Variants in ITGBL1 observed in about 807,000 individuals in gnomAD.
The protein encoded by ITGBL1 is integrin subunit beta like 1, also known as integrin beta-like protein 1.
A neutral mutation model predicts 68.5 loss-of-function variants in ITGBL1; 51 were observed. The ratio of observed to expected loss-of-function variants is 0.74; its 90% confidence interval spans 0.59 to 0.94. ITGBL1 has a LOEUF of 0.94. Among genes scored for constraint, ITGBL1 ranks in the 40% least tolerant of loss-of-function variants. ITGBL1 has a pLI of 0.00. For missense variants in ITGBL1, 649 were observed against 647.4 expected, an observed-to-expected ratio of 1.00 and a Z score of -0.03; for synonymous variants, 209 against 227.3, an observed-to-expected ratio of 0.92 and a Z score of 0.72.
Position 101,650,471 on chromosome 13 carries a change from G to A in ITGBL1, c.1016-42114G>A, listed in dbSNP as rs116219289. On this transcript the variant is annotated intron_variant, in intron 7 of 10. Coordinates refer to ENST00000376180, the MANE Select transcript of ITGBL1 (RefSeq NM_004791.3). Reference sequence around the variant, plus strand: ...GTTGAAAAGCATAAATACATTCATGGTAATTGAAAATATTAATTACTTTTC... The same window carrying A: ...GTTGAAAAGCATAAATACATTCATGATAATTGAAAATATTAATTACTTTTC... Among the ~76,000 whole-genome samples the A allele has an allele frequency of 1.0e-3, 157 of 151,974 alleles. 1 individual carries two copies. The highest frequency in any genetic ancestry group is 3.6e-3 in the African/African-American group (150 of 41,432).
intron 2 of ITGBL1, among the ~76,000 whole-genome samples, chr13:101,508,545 A>G (rs1192048145): frequency 4.6e-5 from 7 of 152,172 alleles, no homozygotes; most frequent in Non-Finnish European, 1.0e-4. Flanking sequence ...CTGGAATTGA[A>G]TATTTTCATA....
chr13:101,564,687 T>C (rs1444292582), intron 2 of ITGBL1, among the ~76,000 whole-genome samples: 1 of 149,748 alleles, frequency 6.7e-6, no homozygotes, highest in East Asian at 1.9e-4. Flanking sequence ...TAAACATACA[T>C]ATACATGTAT....
chr13:101,694,976 C>T (rs1454379911), intron 8 of ITGBL1, among the ~76,000 whole-genome samples: 1 of 152,112 alleles, frequency 6.6e-6, no homozygotes, highest in Non-Finnish European at 1.5e-5. Context: ...TATTTGCCAG[C>T]ACTAGACATT....
rs1192147964 is a variant in ITGBL1 at position 101,641,523 on chromosome 13, TTTA to T, written c.1015+43227_1015+43229del. Among the ~76,000 whole-genome samples the T allele has an allele frequency of 3.3e-5, 4 of 122,636 alleles. No individual in the cohort carries two copies. The East Asian group carries it at 5.8e-4, about 18-fold the overall frequency. 80.5% of individuals were successfully genotyped at this position (122,636 alleles called of 152,430 possible). Reference sequence around the variant, plus strand: ...AACTTGTGTTTATGTGTCTTTCTTTTTTATTTTATTTTATTTTATTTATTTTTA... The same window carrying T: ...AACTTGTGTTTATGTGTCTTTCTTTTTTTTATTTTATTTTATTTATTTTTA... On this transcript the variant is annotated intron_variant, in intron 7 of 10. Transcript: ENST00000376180.
chr13:101,537,595 T>C (rs766246431), intron 2 of ITGBL1, among the ~76,000 whole-genome samples: 1 of 152,026 alleles, frequency 6.6e-6, no homozygotes, highest in Non-Finnish European at 1.5e-5. Context: ...ACTTCCTAGA[T>C]TCAAGGTTGA....
chr13:101,478,928 A>G (rs1260373590), intron 2 of ITGBL1, among the ~76,000 whole-genome samples: 2 of 152,134 alleles, frequency 1.3e-5, no homozygotes, highest in Non-Finnish European at 2.9e-5. Flanking sequence ...TCAAAATACC[A>G]ATGACATTCT....
intron 7 of ITGBL1, among the ~76,000 whole-genome samples, chr13:101,619,538 C>T (rs575059478): frequency 3.9e-5 from 6 of 152,216 alleles, no homozygotes; most frequent in Admixed American, 3.3e-4. Context: ...GTAGTCTTGA[C>T]GACACCTTGA....
chr13:101,605,441 C>T (rs1248514154), intron 7 of ITGBL1, among the ~76,000 whole-genome samples: 2 of 147,866 alleles, frequency 1.4e-5, no homozygotes, highest in Admixed American at 6.7e-5. Flanking sequence ...CATGTATATG[C>T]GTATATATAC....
chr13:101,596,639 G>T (rs2029988259), intron 6 of ITGBL1, among the ~76,000 whole-genome samples: 1 of 152,072 alleles, frequency 6.6e-6, no homozygotes, highest in Non-Finnish European at 1.5e-5. Flanking sequence ...CATGCTTTTT[G>T]TCAGTTCATG....
At chr13:101,684,365 A>C (rs73558034) in intron 7 of ITGBL1, among the ~76,000 whole-genome samples, 4,295 of 151,990 alleles carry the variant, frequency 0.028, 231 homozygotes, top group African/African-American at 0.096. Flanking sequence ...AAATGTCATA[A>C]TTGGCTTTTA....
intron 2 of ITGBL1, among the ~76,000 whole-genome samples, chr13:101,483,154 A>G (rs2048650525): frequency 6.6e-6 from 1 of 152,178 alleles, no homozygotes. Flanking sequence ...ACAACAGTAG[A>G]TACATATCAT....
chr13:101,613,179 T>C (rs866043151), intron 7 of ITGBL1, among the ~76,000 whole-genome samples: 109 of 152,204 alleles, frequency 7.2e-4, no homozygotes, highest in African/African-American at 2.5e-3. Flanking sequence ...ACAGTATATA[T>C]GAAACTTCTT....
intron 2 of ITGBL1, among the ~76,000 whole-genome samples, chr13:101,473,785 C>A (rs1303984555): frequency 2.0e-5 from 3 of 152,142 alleles, no homozygotes; most frequent in African/African-American, 7.2e-5. Flanking sequence ...CATACCAGCT[C>A]AGCCACAATA....
At chr13:101,465,881 G>T (rs2048375908) in intron 2 of ITGBL1, among the ~76,000 whole-genome samples, 1 of 152,178 alleles carries the variant, frequency 6.6e-6, no homozygotes, top group Non-Finnish European at 1.5e-5. Context: ...AAATATTTAG[G>T]TAAAGGCATC....
At chr13:101,622,434 G>A (rs769342099) in intron 7 of ITGBL1, among the ~76,000 whole-genome samples, 19 of 151,954 alleles carry the variant, frequency 1.3e-4, no homozygotes, top group Non-Finnish European at 2.1e-4. Context: ...CTGACACCTT[G>A]TAAGCCTGAA....
chr13:101,671,857 T>C (rs1566784916), intron 7 of ITGBL1, among the ~76,000 whole-genome samples: 1 of 152,226 alleles, frequency 6.6e-6, no homozygotes, highest in Non-Finnish European at 1.5e-5. Context: ...TATATGTTTG[T>C]GTAAGTTCAA....
At chr13:101,457,751 G>T (rs2048264345) in intron 2 of ITGBL1, among the ~76,000 whole-genome samples, 1 of 152,104 alleles carries the variant, frequency 6.6e-6, no homozygotes, top group African/African-American at 2.4e-5. Flanking sequence ...AGGAGGCAGA[G>T]GTTGCAGTGA....
intron 7 of ITGBL1, among the ~76,000 whole-genome samples, chr13:101,683,624 G>A (rs761282818): frequency 1.3e-5 from 2 of 151,898 alleles, no homozygotes; most frequent in Non-Finnish European, 2.9e-5. Flanking sequence ...GATTATGCAT[G>A]CCAACTTCAC....
At chr13:101,510,732 A>G (rs905759311) in intron 2 of ITGBL1, among the ~76,000 whole-genome samples, 1 of 151,940 alleles carries the variant, frequency 6.6e-6, no homozygotes, top group African/African-American at 2.4e-5. Context: ...TTTGATTTGC[A>G]TTTTGATGAT....
Sources: allele counts gnomAD v4.1 joint callset (sites outside exome capture counted in the v4.1 genomes callset), GRCh38; gene constraint gnomAD v4.1.1; transcripts MANE v1.5; gene names NCBI Gene and HGNC (gene_info 2026-07-23, HGNC 2026-07-21).